MYO5B: variants seen among roughly 807,000 people sequenced by gnomAD.
The protein encoded by MYO5B is myosin VB, also known as unconventional myosin-Vb.
MYO5B carries 143 observed loss-of-function variants against 229.3 expected under a neutral mutation model. That is an observed-to-expected ratio of 0.62 (90% CI 0.54 to 0.72). The LOEUF (loss-of-function observed/expected upper bound fraction) is 0.72, where lower values mean the gene tolerates loss of function less well. MYO5B is among the 30% of genes least tolerant of loss of function. The pLI, the probability that MYO5B is intolerant of heterozygous loss-of-function variation, is 0.00. For synonymous variants in MYO5B, 918 were observed against 885.2 expected (o/e 1.04, Z -0.66); for missense variants, 2,321 against 2,331.0 (o/e 1.00, Z 0.09).
intron 1 of MYO5B, among the ~76,000 whole-genome samples, chr18:50,165,637 A>C (rs1458758431): frequency 6.6e-6 from 1 of 152,168 alleles, no homozygotes; most frequent in Non-Finnish European, 1.5e-5. Flanking sequence ...TTCTCAGGGC[A>C]TGGTGACGTG....
chr18:50,175,487 G>A (rs1443024055), intron 1 of MYO5B, among the ~76,000 whole-genome samples: 1 of 152,188 alleles, frequency 6.6e-6, no homozygotes, highest in Non-Finnish European at 1.5e-5. Flanking sequence ...AAGATCAAGT[G>A]AGTTGGAAAC....
intron 1 of MYO5B, among the ~76,000 whole-genome samples, chr18:50,141,995 C>T (rs2032425300): frequency 6.6e-6 from 1 of 152,188 alleles, no homozygotes; most frequent in Non-Finnish European, 1.5e-5. Flanking sequence ...GGGAATTCTG[C>T]TATTGCTTCT....
intron 17 of MYO5B, 26 bp from the exon 18 acceptor site, chr18:49,912,199 G>T: frequency 1.3e-6 from 2 of 1,572,770 alleles, no homozygotes; most frequent in Non-Finnish European, 1.7e-6. Context: ...AGGGGCATCA[G>T]GTGACACATC....
intron 30 of MYO5B, among the ~76,000 whole-genome samples, chr18:49,855,964 G>A (rs190412377): frequency 2.0e-5 from 3 of 152,180 alleles, no homozygotes; most frequent in African/African-American, 7.2e-5. Context: ...AAGCAAGCTC[G>A]ATGACTACCA....
chr18:50,119,187 G>A (rs1446499553), intron 1 of MYO5B, among the ~76,000 whole-genome samples: 1 of 152,168 alleles, frequency 6.6e-6, no homozygotes, highest in Non-Finnish European at 1.5e-5. Context: ...CCAGGAATCT[G>A]GATTATAACC....
intron 1 of MYO5B, among the ~76,000 whole-genome samples, chr18:50,141,682 A>G (rs546425921): frequency 6.6e-6 from 1 of 152,288 alleles, no homozygotes; most frequent in East Asian, 1.9e-4. Flanking sequence ...CCTACCCTAA[A>G]TCATATTTTG....
At chr18:50,005,313 G>T (rs993459702) in intron 4 of MYO5B, among the ~76,000 whole-genome samples, 1 of 152,148 alleles carries the variant, frequency 6.6e-6, no homozygotes, top group South Asian at 2.1e-4. Context: ...CCTGAGTCCT[G>T]GTTCTGCTGC....
intron 4 of MYO5B, among the ~76,000 whole-genome samples, chr18:50,013,086 G>T (rs117785120): frequency 0.026 from 4,025 of 152,202 alleles, 84 homozygotes; most frequent in Middle Eastern, 0.044. Context: ...TGGATCCTGG[G>T]ATACAAATGA....
chr18:49,958,498 G>A (rs2025521120), intron 12 of MYO5B, among the ~76,000 whole-genome samples: 1 of 152,060 alleles, frequency 6.6e-6, no homozygotes, highest in Non-Finnish European at 1.5e-5. Flanking sequence ...CTGTCCTAAC[G>A]TGCAGAAACT....
At chr18:49,834,707 C>T (rs1220207050) in intron 39 of MYO5B, among the ~76,000 whole-genome samples, 4 of 152,042 alleles carry the variant, frequency 2.6e-5, no homozygotes, top group Admixed American at 6.5e-5. Flanking sequence ...GGCGCAATCT[C>T]GGCTCACTGC....
chr18:50,165,852 C>A (rs2032843875), intron 1 of MYO5B, among the ~76,000 whole-genome samples: 2 of 152,104 alleles, frequency 1.3e-5, no homozygotes, highest in South Asian at 2.1e-4. Flanking sequence ...GATAAGATAA[C>A]CTGACTGGAA....
At chr18:49,906,276 C>G (rs1005653346) in intron 19 of MYO5B, 143 bp downstream of exon 19, 8 of 802,998 alleles carry the variant, frequency 1.0e-5, no homozygotes, top group African/African-American at 1.7e-5. Context: ...GCCCAGCTGC[C>G]GAGGAAAAGC....
intron 22 of MYO5B, among the ~76,000 whole-genome samples, chr18:49,890,798 G>T (rs886221035): frequency 6.6e-6 from 1 of 152,164 alleles, no homozygotes; most frequent in East Asian, 1.9e-4. Context: ...GCAAAATCTT[G>T]AAGTGTTTAT....
At chr18:49,962,508 A>T (rs2025571226) in intron 11 of MYO5B, 102 bp from the exon 12 acceptor site, 1 of 1,501,504 alleles carries the variant, frequency 6.7e-7, no homozygotes, top group East Asian at 2.3e-5. Context: ...GACAGCAGAG[A>T]ACTGCCAGAT....
At chr18:49,947,461 C>T (rs2945827) in intron 14 of MYO5B, among the ~76,000 whole-genome samples, 89,210 of 151,974 alleles carry the variant, frequency 0.59, 26,652 homozygotes, top group Middle Eastern at 0.73. Flanking sequence ...CATTTCTGAG[C>T]GAAAAGAAGT....
intron 1 of MYO5B, among the ~76,000 whole-genome samples, chr18:50,129,023 G>C (rs868973): frequency 0.075 from 11,469 of 152,238 alleles, 506 homozygotes; most frequent in East Asian, 0.21. Flanking sequence ...CAAATCTCAC[G>C]GTAAGTCACT....
chr18:50,175,395 T>C (rs1705521), intron 1 of MYO5B, among the ~76,000 whole-genome samples: 59,134 of 152,168 alleles, frequency 0.39, 11,574 homozygotes, highest in Middle Eastern at 0.44. Flanking sequence ...CCTCCCACCA[T>C]TAAATAACCA....
chr18:50,033,226 G>A (rs1018425087), intron 4 of MYO5B, among the ~76,000 whole-genome samples: 2 of 152,084 alleles, frequency 1.3e-5, no homozygotes, highest in African/African-American at 4.8e-5. Flanking sequence ...GCAGTATCTT[G>A]TGGTTTCATG....
At position 50,169,537 on chromosome 18, in the gene MYO5B, C is replaced by A. The variant is rs559686667; in HGVS notation, c.27+25230G>T. 4.8e-5 allele frequency among the ~76,000 whole-genome samples: 6 copies of A among 125,848 alleles called. 3 individuals are homozygous for A. In the South Asian group the frequency reaches 1.7e-3, roughly 35 times the overall value. The allele number at this position is 125,848 out of a possible 152,430, so 82.6% of individuals were successfully genotyped here. A position where few individuals can be genotyped will look rare whatever the true frequency, so the allele number is the denominator to read the frequency against. On this transcript the variant is annotated intron_variant, in intron 1 of 39. Transcript: ENST00000285039. Reference sequence around the variant, plus strand: ...AAAAGACATGGCCCAAGTGGAGAGCCTCTCTACAGTGACTGGCTGTAATCT... The same window carrying A: ...AAAAGACATGGCCCAAGTGGAGAGCATCTCTACAGTGACTGGCTGTAATCT...
Sources: gnomAD v4.1 joint callset for allele counts (sites outside exome capture counted in the v4.1 genomes callset) on GRCh38, gnomAD v4.1.1 for gene constraint, MANE v1.5 for transcripts, NCBI Gene and HGNC (gene_info 2026-07-23, HGNC 2026-07-21) for gene names.